EYA4: variants seen among roughly 807,000 people sequenced by gnomAD.
The protein encoded by EYA4 is EYA transcriptional coactivator and phosphatase 4.
A neutral mutation model predicts 87.9 loss-of-function variants in EYA4; 31 were observed. The observed-to-expected ratio is 0.35, with a 90% CI of 0.27 to 0.48. EYA4 has a LOEUF of 0.48. EYA4 is among the 20% of genes least tolerant of loss of function. The pLI is 0.99. For synonymous variants in EYA4, 263 were observed against 270.6 expected (o/e 0.97, Z 0.28); for missense variants, 678 against 761.4 (o/e 0.89, Z 1.29).
At chr6:133,428,648 C>T (rs1395580210) in intron 3 of EYA4, among the ~76,000 whole-genome samples, 3 of 152,080 alleles carry the variant, frequency 2.0e-5, no homozygotes, top group Admixed American at 6.5e-5. Flanking sequence ...TGAATTTGTC[C>T]TACATCTGTT....
chr6:133,251,370 T>C (rs1325594692), intron 1 of EYA4, among the ~76,000 whole-genome samples: 1 of 152,230 alleles, frequency 6.6e-6, no homozygotes, highest in Non-Finnish European at 1.5e-5. Flanking sequence ...TTGCTATGAT[T>C]CTTACCTTTA....
intron 2 of EYA4, among the ~76,000 whole-genome samples, chr6:133,330,453 T>C (rs1781838559): frequency 6.6e-6 from 1 of 151,864 alleles, no homozygotes; most frequent in Admixed American, 6.6e-5. Context: ...GGGAAGATCA[T>C]GTCACATTTT....
At chr6:133,269,696 A>G (rs1412822887) in intron 1 of EYA4, among the ~76,000 whole-genome samples, 2 of 152,232 alleles carry the variant, frequency 1.3e-5, no homozygotes, top group Admixed American at 6.5e-5. Flanking sequence ...ATGACTGGAT[A>G]TATGTAAAAC....
Position 133,445,087 on chromosome 6 carries a change from G to A in EYA4, c.84-1543G>A, listed in dbSNP as rs146245496. On this transcript the variant is annotated intron_variant, in intron 3 of 19. Transcript: ENST00000355286. ...AATGCTGCTTTAATCGTTCTGTTGG[G>A]TTTTTGTTATACCTGATGGTATTTT... 2.4e-4 allele frequency among the ~76,000 whole-genome samples: 37 copies of A among 152,050 alleles called. No individual in the cohort carries two copies. The East Asian group carries it at 4.8e-3, about 20-fold the overall frequency.
At chr6:133,331,408 TC>T (rs540462770) in intron 2 of EYA4, among the ~76,000 whole-genome samples, 48 of 152,212 alleles carry the variant, frequency 3.2e-4, no homozygotes, top group African/African-American at 1.1e-3. Flanking sequence ...GCCTAGTGAA[TC>T]CCTGTGTCAT....
chr6:133,324,315 C>T (rs1023786926), intron 2 of EYA4, among the ~76,000 whole-genome samples: 1 of 152,066 alleles, frequency 6.6e-6, no homozygotes, highest in Non-Finnish European at 1.5e-5. Flanking sequence ...TATTTATTTA[C>T]AATTCCATTT....
intron 2 of EYA4, among the ~76,000 whole-genome samples, chr6:133,366,158 G>A (rs9402506): frequency 0.18 from 26,994 of 152,122 alleles, 2,751 homozygotes; most frequent in South Asian, 0.32. Context: ...TTTGAAGCCT[G>A]CATCAATTCA....
intron 1 of EYA4, chr6:133,247,432 C>G (rs1259963808): frequency 1.3e-5 from 2 of 152,108 alleles, no homozygotes; most frequent in African/African-American, 4.8e-5. Flanking sequence ...TTTTGAATCT[C>G]AAATCTGCAC....
At chr6:133,272,277 T>C (rs977498611) in intron 1 of EYA4, among the ~76,000 whole-genome samples, 19 of 152,274 alleles carry the variant, frequency 1.2e-4, no homozygotes, top group African/African-American at 4.3e-4. Flanking sequence ...CATAGGGAAC[T>C]CCCGATGAGG....
chr6:133,319,599 A>G (rs1177495585), intron 2 of EYA4, among the ~76,000 whole-genome samples: 1 of 150,534 alleles, frequency 6.6e-6, no homozygotes, highest in South Asian at 2.1e-4. Context: ...GGCTAGTATT[A>G]CTTTGATATT....
At chr6:133,349,799 A>G (rs1456735426) in intron 2 of EYA4, among the ~76,000 whole-genome samples, 1 of 152,136 alleles carries the variant, frequency 6.6e-6, no homozygotes, top group African/African-American at 2.4e-5. Flanking sequence ...CCAGATTTTT[A>G]TGAGAGCTCC....
chr6:133,525,969 A>G lies in EYA4; in HGVS notation c.1839+715A>G, dbSNP rs1026679417. The G allele has an allele frequency of 3.1e-6, 3 of 971,518 alleles. No individual in the cohort carries two copies. The African/African-American group carries it at 5.3e-5, about 17-fold the overall frequency. The allele number at this position is 971,518 out of a possible 1,614,324, so 60.2% of individuals were successfully genotyped here. On this transcript the variant is annotated intron_variant, in intron 19 of 19. Coordinates refer to ENST00000355286, the MANE Select transcript of EYA4 (RefSeq NM_004100.5). ...AGCCAGTGGTACTTGATTGAAGCCAAGCAGCTGGCTTTGAACACATTCAGA... is the reference window on the plus strand; with the variant it reads ...AGCCAGTGGTACTTGATTGAAGCCAGGCAGCTGGCTTTGAACACATTCAGA...
At position 133,343,242 on chromosome 6, in the gene EYA4, A is replaced by G. The variant is rs1419371000; in HGVS notation, c.34-39150A>G. 3.3e-5 allele frequency among the ~76,000 whole-genome samples: 5 copies of G among 152,244 alleles called. No homozygotes were observed. The East Asian group carries it at 9.6e-4, about 29-fold the overall frequency. ...AACAAAATTGTACATATGAAAAGAT[A>G]TAATTCTTGCATGTGACTCCTCAAC... On this transcript the variant is annotated intron_variant, in intron 2 of 19. Transcript: ENST00000355286.
At position 133,483,101 on chromosome 6, in the gene EYA4, C is replaced by T. The variant is rs757172581; in HGVS notation, c.1177C>T (p.Gln393Ter). The T allele has an allele frequency of 6.2e-7, 1 of 1,610,710 alleles. No homozygotes were observed. Among genetic ancestry groups the T allele is most frequent in the African/African-American group, 1.3e-5 (1 of 74,820 alleles). ...CTCACTGCTCACCGGGTCTTATGCACAGAAGTATGGCAAGGTAAGAAATCA... is the reference window on the plus strand; with the variant it reads ...CTCACTGCTCACCGGGTCTTATGCATAGAAGTATGGCAAGGTAAGAAATCA... ...FHSLLTGSYA[Q>*]KYGKDPPMAV... Residue 393 changes from glutamine (Q) to a stop codon, truncating the protein, a stop_gained, in exon 13 of 20, where the codon CAG becomes TAG. Transcript: ENST00000355286. LOFTEE classifies it high-confidence loss of function.
At chr6:133,474,298 G>A (rs1441566486) in intron 11 of EYA4, among the ~76,000 whole-genome samples, 1 of 151,996 alleles carries the variant, frequency 6.6e-6, no homozygotes, top group Non-Finnish European at 1.5e-5. Flanking sequence ...ATAATCACGA[G>A]AAAGCTTCTC....
At chr6:133,469,883 GAC>G (rs1795177905) in intron 11 of EYA4, among the ~76,000 whole-genome samples, 1 of 152,100 alleles carries the variant, frequency 6.6e-6, no homozygotes. Context: ...CTCTTCAAAA[GAC>G]ACTATTAGAG....
chr6:133,273,097 G>GTA (rs3065331), intron 1 of EYA4, among the ~76,000 whole-genome samples: 31,315 of 106,400 alleles, frequency 0.29, 3,695 homozygotes, highest in East Asian at 0.34. Flanking sequence ...ATATATATAT[G>GTA]TATATATATA....
At chr6:133,313,888 A>T (rs879200368) in intron 2 of EYA4, among the ~76,000 whole-genome samples, 5 of 134,848 alleles carry the variant, frequency 3.7e-5, no homozygotes, top group Admixed American at 7.2e-5. Flanking sequence ...GATCTTTCTG[A>T]TGTCTTATTT....
chr6:133,485,516 T>TG (rs1285608162), intron 13 of EYA4, among the ~76,000 whole-genome samples: 8 of 152,338 alleles, frequency 5.3e-5, no homozygotes, highest in African/African-American at 1.9e-4. Flanking sequence ...AGACGAGTCC[T>TG]GGGGCCCCAG....
Sources: allele counts gnomAD v4.1 joint callset (sites outside exome capture counted in the v4.1 genomes callset), GRCh38; gene constraint gnomAD v4.1.1; transcripts MANE v1.5; gene names NCBI Gene and HGNC (gene_info 2026-07-23, HGNC 2026-07-21).